WDFY2: variants seen among roughly 807,000 people sequenced by gnomAD.
The protein encoded by WDFY2 is WD repeat and FYVE domain-containing protein 2.
A neutral mutation model predicts 56.4 loss-of-function variants in WDFY2; 36 were observed. The ratio of observed to expected loss-of-function variants is 0.64; its 90% CI spans 0.49 to 0.84. The LOEUF (loss-of-function observed/expected upper bound fraction) is 0.84, where lower values mean the gene tolerates loss of function less well. Ranked by LOEUF, WDFY2 falls within the 40% of genes least tolerant of loss-of-function variation. WDFY2 has a pLI of 0.00. For missense variants in WDFY2, 444 were observed against 512.2 expected, an observed-to-expected ratio of 0.87 and a Z score of 1.29; for synonymous variants, 176 against 183.7, an observed-to-expected ratio of 0.96 and a Z score of 0.34.
chr13:51,589,246 A>G (rs1202422120), intron 1 of WDFY2: 1 of 152,214 alleles, frequency 6.6e-6, no homozygotes, highest in Non-Finnish European at 1.5e-5. Context: ...AAGGTATTTA[A>G]GTTGAGCCTG....
In WDFY2 at chr13:51,657,137, T is replaced by G. The variant is rs1011354417; in HGVS notation, c.138-3459T>G. Reference sequence around the variant, plus strand: ...CCCTTATTTTTCTCTTCTGTATACCTAAATTTATATAATCTAGTTTGAATT... The same window carrying G: ...CCCTTATTTTTCTCTTCTGTATACCGAAATTTATATAATCTAGTTTGAATT... On this transcript the variant is annotated intron_variant, in intron 1 of 11. Coordinates refer to ENST00000298125, the MANE Select transcript of WDFY2 (RefSeq NM_052950.4). Among the ~76,000 whole-genome samples, 3 of 152,124 alleles carry G rather than the reference T, an allele frequency of 2.0e-5. No homozygotes were observed. The East Asian group carries it at 5.8e-4, about 29-fold the overall frequency.
intron 1 of WDFY2, among the ~76,000 whole-genome samples, chr13:51,617,597 T>A (rs1021278310): frequency 3.9e-5 from 6 of 152,230 alleles, no homozygotes; most frequent in Non-Finnish European, 8.8e-5. Flanking sequence ...CTCTTGACTG[T>A]AAGTTTCATT....
intron 1 of WDFY2, among the ~76,000 whole-genome samples, chr13:51,611,190 C>T (rs959661270): frequency 1.3e-5 from 2 of 152,176 alleles, no homozygotes; most frequent in Non-Finnish European, 2.9e-5. Flanking sequence ...TACATACTGC[C>T]TGGTACATAG....
chr13:51,610,587 A>G (rs1954482692), intron 1 of WDFY2, among the ~76,000 whole-genome samples: 1 of 152,212 alleles, frequency 6.6e-6, no homozygotes, highest in Non-Finnish European at 1.5e-5. Context: ...CCCTCTTTGC[A>G]TCCAGTAATG....
At chr13:51,652,182 C>G (rs1955404027) in intron 1 of WDFY2, among the ~76,000 whole-genome samples, 1 of 152,114 alleles carries the variant, frequency 6.6e-6, no homozygotes, top group African/African-American at 2.4e-5. Flanking sequence ...CTCTTTTGAT[C>G]TTTGTTGGTT....
rs1953722790 is a variant in WDFY2 at position 51,765,645 on chromosome 13, A to G, written c.*5876A>G. 6.6e-6 allele frequency: 1 copy of G among 152,202 alleles called. No homozygotes were observed. The highest frequency in any genetic ancestry group is 2.4e-5 in the African/African-American group (1 of 41,436). The allele number at this position is 152,202 out of a possible 1,614,324, so 9.4% of individuals were successfully genotyped here. A position where few individuals can be genotyped will look rare whatever the true frequency, so the allele number is the denominator to read the frequency against. On this transcript the variant is annotated 3_prime_UTR_variant, in exon 12 of 12. Transcript: ENST00000298125. The stretch of plus-strand genomic sequence containing the variant: ...GCATATTGCTGGCTTCCCTTGGATA[A>G]CGGAGAGCCTATCACCACATGCCTT...
chr13:51,633,871 GGTCTGTTTCTGA>G (rs1954999230), intron 1 of WDFY2, among the ~76,000 whole-genome samples: 1 of 152,032 alleles, frequency 6.6e-6, no homozygotes. Flanking sequence ...TATATACTTT[GGTCTGTTTCTGA>G]GCTTTCAGTT....
rs1164092790 is a variant in WDFY2 at position 51,661,824 on chromosome 13, T to C, written c.205+1161T>C. The stretch of plus-strand genomic sequence containing the variant: ...GTAATTCCGAATGCTATATCCTTCC[T>C]TTACCTGTTTTGCTTCTAGAAGATA... On this transcript the variant is annotated intron_variant, in intron 2 of 11. Coordinates refer to ENST00000298125, the MANE Select transcript of WDFY2 (RefSeq NM_052950.4). 3.3e-5 allele frequency among the ~76,000 whole-genome samples: 5 copies of C among 152,326 alleles called. No homozygotes were observed. In the South Asian group the frequency reaches 8.3e-4, roughly 25 times the overall value.
chr13:51,600,227 C>T (rs1281924407), intron 1 of WDFY2, among the ~76,000 whole-genome samples: 1 of 152,180 alleles, frequency 6.6e-6, no homozygotes, highest in Non-Finnish European at 1.5e-5. Context: ...GAGAGAGTTA[C>T]TTTGAAAATC....
At chr13:51,726,800 TC>T (rs1952614978) in intron 5 of WDFY2, among the ~76,000 whole-genome samples, 1 of 152,246 alleles carries the variant, frequency 6.6e-6, no homozygotes, top group African/African-American at 2.4e-5. Context: ...TATTAATAGT[TC>T]CATTCAAATT....
intron 1 of WDFY2, among the ~76,000 whole-genome samples, chr13:51,627,744 A>G (rs867333653): frequency 6.6e-6 from 1 of 152,086 alleles, no homozygotes; most frequent in Non-Finnish European, 1.5e-5. Flanking sequence ...GTGGAGGGTG[A>G]GCAAGGCAAA....
At chr13:51,751,477 A>G (rs766003976) in intron 8 of WDFY2, 62 bp downstream of exon 8, 7 of 1,392,554 alleles carry the variant, frequency 5.0e-6, no homozygotes, top group African/African-American at 1.4e-5. Context: ...CTTCCTGCTT[A>G]TTTCTTATTT....
intron 1 of WDFY2, among the ~76,000 whole-genome samples, chr13:51,603,137 G>T (rs1320581989): frequency 6.6e-6 from 1 of 152,258 alleles, no homozygotes; most frequent in East Asian, 1.9e-4. Flanking sequence ...TACGGCAAAT[G>T]GAAATGCCAG....
intron 2 of WDFY2, among the ~76,000 whole-genome samples, chr13:51,665,206 G>A (rs2138471499): frequency 6.6e-6 from 1 of 152,268 alleles, no homozygotes; most frequent in East Asian, 1.9e-4. Context: ...GATTTTTATG[G>A]ATGAATGAGA....
rs1426216545 is a variant in WDFY2 at position 51,762,157 on chromosome 13, G to A, written c.*2388G>A. ...TCCATTTTCCCTTCCTAAACTTTGAGCTTGGCCTGCCGGCAGAGAGAGGAA... is the reference window on the plus strand; with the variant it reads ...TCCATTTTCCCTTCCTAAACTTTGAACTTGGCCTGCCGGCAGAGAGAGGAA... On this transcript the variant is annotated 3_prime_UTR_variant, in exon 12 of 12. Coordinates refer to ENST00000298125, the MANE Select transcript of WDFY2 (RefSeq NM_052950.4). 2.6e-5 allele frequency: 4 copies of A among 152,238 alleles called. No individual in the cohort carries two copies. Among genetic ancestry groups the A allele is most frequent in the African/African-American group, 7.2e-5 (3 of 41,460 alleles). The allele number at this position is 152,238 out of a possible 1,614,324, so 9.4% of individuals were successfully genotyped here. A position where few individuals can be genotyped will look rare whatever the true frequency, so the allele number is the denominator to read the frequency against.
At chr13:51,667,092 A>G (rs1955717543) in intron 2 of WDFY2, among the ~76,000 whole-genome samples, 1 of 152,172 alleles carries the variant, frequency 6.6e-6, no homozygotes, top group Non-Finnish European at 1.5e-5. Flanking sequence ...TTGTTCTCAA[A>G]TTTGCAAAGA....
intron 3 of WDFY2, among the ~76,000 whole-genome samples, chr13:51,696,863 G>T (rs1380149992): frequency 1.3e-5 from 2 of 152,140 alleles, no homozygotes; most frequent in Non-Finnish European, 2.9e-5. Context: ...GAACTTCCCA[G>T]CATTAAGAGA....
At chr13:51,615,300 A>G (rs1412649331) in intron 1 of WDFY2, among the ~76,000 whole-genome samples, 1 of 152,170 alleles carries the variant, frequency 6.6e-6, no homozygotes, top group East Asian at 1.9e-4. Flanking sequence ...CAAAGACAAC[A>G]TACAGATAGT....
chr13:51,650,265 G>C (rs1200132104), intron 1 of WDFY2, among the ~76,000 whole-genome samples: 1 of 152,156 alleles, frequency 6.6e-6, no homozygotes, highest in Non-Finnish European at 1.5e-5. Flanking sequence ...TATTGATTTT[G>C]TATCCTGAGA....
Sources: gnomAD v4.1 joint callset for allele counts (sites outside exome capture counted in the v4.1 genomes callset) on GRCh38, gnomAD v4.1.1 for gene constraint, MANE v1.5 for transcripts, NCBI Gene and HGNC (gene_info 2026-07-23, HGNC 2026-07-21) for gene names.